The following CDC27 variants were observed in gnomAD, a reference collection of about 807,000 sequenced individuals.
The protein encoded by CDC27 is cell division cycle protein 27 homolog.
In CDC27, 27 loss-of-function variants were observed where a neutral mutation model predicts 109.7. The ratio of observed to expected loss-of-function variants is 0.25; its 90% confidence interval spans 0.18 to 0.34. CDC27 has a LOEUF of 0.34. CDC27 is among the 10% of genes least tolerant of loss of function. CDC27 has a pLI of 1.00. For missense variants in CDC27, 579 were observed against 960.2 expected (o/e 0.60, Z 5.25); for synonymous variants, 266 against 333.9 (o/e 0.80, Z 2.22).
At chr17:47,160,813 T>C (rs779830267) in intron 4 of CDC27, among the ~76,000 whole-genome samples, 147 of 152,304 alleles carry the variant, frequency 9.7e-4, no homozygotes, top group Admixed American at 1.9e-3. Context: ...ATGAAGAAGG[T>C]ACCCTTGGGG....
chr17:47,132,969 T>A (rs2062399629), intron 14 of CDC27, among the ~76,000 whole-genome samples: 1 of 123,406 alleles, frequency 8.1e-6, no homozygotes, highest in Non-Finnish European at 1.7e-5. Context: ...AGATGGGGTT[T>A]TGCCATGTTG....
intron 17 of CDC27, among the ~76,000 whole-genome samples, chr17:47,123,402 CTTTTTTTTT>C (rs57868315): frequency 1.6e-5 from 2 of 123,004 alleles, no homozygotes; most frequent in South Asian, 2.5e-4. Context: ...TTTTTTTCTA[CTTTTTTTTT>C]TTTTTTTTTT....
chr17:47,136,121 G>A (rs2062579371), intron 14 of CDC27, among the ~76,000 whole-genome samples: 1 of 152,014 alleles, frequency 6.6e-6, no homozygotes, highest in South Asian at 2.1e-4. Flanking sequence ...CAACCTGGGT[G>A]ACAGAGCGAG....
chr17:47,188,326 C>G (rs1279741615), intron 1 of CDC27, among the ~76,000 whole-genome samples: 3 of 152,028 alleles, frequency 2.0e-5, no homozygotes, highest in Non-Finnish European at 2.9e-5. Flanking sequence ...GACTTGGCAC[C>G]GCATCACACA....
chr17:47,147,547 T>TAA (rs1209339422), intron 9 of CDC27, among the ~76,000 whole-genome samples: 1 of 150,218 alleles, frequency 6.7e-6, no homozygotes, highest in Non-Finnish European at 1.5e-5. Flanking sequence ...GCAAAAACAT[T>TAA]AAAAAAATAC....
intron 11 of CDC27, 81 bp from the exon 12 acceptor site, chr17:47,142,106 A>G (rs1331944984): frequency 2.5e-6 from 3 of 1,209,240 alleles, no homozygotes; most frequent in African/African-American, 1.5e-5. Context: ...TTACAAACTA[A>G]TCTATTAAAA....
chr17:47,188,721 A>G, intron 1 of CDC27: 1 of 1,007,214 alleles, frequency 9.9e-7, no homozygotes, highest in Non-Finnish European at 1.2e-6. Context: ...ACAAAATAAA[A>G]AAAACCTCCG....
At position 47,143,984 on chromosome 17, in the gene CDC27, T is replaced by A; in HGVS notation, c.1071-2A>T. 1 of 1,319,584 alleles carries A rather than the reference T, an allele frequency of 7.6e-7. No homozygotes were observed. Among genetic ancestry groups the A allele is most frequent in the East Asian group, 2.8e-5 (1 of 36,244 alleles). The allele number at this position is 1,319,584 out of a possible 1,614,324, so 81.7% of individuals were successfully genotyped here. ...GGGCTCAATACCTGAGGTGTTGTAC[T>A]AAAAAAAAATTATAAAGGAAGACAT... On this transcript the variant is annotated splice_acceptor_variant, in intron 9 of 18. Coordinates refer to ENST00000066544, the MANE Select transcript of CDC27 (RefSeq NM_001256.6). LOFTEE classifies it high-confidence loss of function.
chr17:47,133,100 A>AACACAC (rs2062434702), intron 14 of CDC27, among the ~76,000 whole-genome samples: 1 of 15,026 alleles, frequency 6.7e-5, no homozygotes, highest in African/African-American at 3.2e-4. Flanking sequence ...CACACACACA[A>AACACAC]ATATACATAT....
chr17:47,179,059 C>T (rs925252008), intron 2 of CDC27, among the ~76,000 whole-genome samples: 1 of 152,174 alleles, frequency 6.6e-6, no homozygotes, highest in African/African-American at 2.4e-5. Flanking sequence ...ACCTCAGCCT[C>T]CCAGATTCTC....
At chr17:47,150,039 T>A (rs1474614970) in intron 9 of CDC27, among the ~76,000 whole-genome samples, 3 of 152,124 alleles carry the variant, frequency 2.0e-5, no homozygotes, top group African/African-American at 7.2e-5. Flanking sequence ...TAATGCACTG[T>A]GGGGTTTATA....
chr17:47,177,487 G>GA (rs1199536363), intron 2 of CDC27, among the ~76,000 whole-genome samples: 1 of 152,176 alleles, frequency 6.6e-6, no homozygotes, highest in African/African-American at 2.4e-5. Context: ...TGATGCAGGA[G>GA]AATTGCCTGA....
chr17:47,133,170 C>T (rs1432903732), intron 14 of CDC27, among the ~76,000 whole-genome samples: 1 of 134,594 alleles, frequency 7.4e-6, no homozygotes, highest in South Asian at 2.4e-4. Context: ...CAGAGTTTTG[C>T]TCTTGTTGCC....
intron 3 of CDC27, among the ~76,000 whole-genome samples, chr17:47,170,691 A>G (rs2063787652): frequency 6.6e-6 from 1 of 152,212 alleles, no homozygotes; most frequent in Non-Finnish European, 1.5e-5. Flanking sequence ...GATGATTACT[A>G]TACTGGGGGA....
chr17:47,164,958 T>G (rs1292936393), intron 4 of CDC27, among the ~76,000 whole-genome samples: 2 of 152,170 alleles, frequency 1.3e-5, no homozygotes, highest in Non-Finnish European at 2.9e-5. Flanking sequence ...ATAAAACTGT[T>G]TTAATATCCC....
intron 1 of CDC27, among the ~76,000 whole-genome samples, chr17:47,184,558 A>G (rs994164071): frequency 1.1e-4 from 17 of 152,092 alleles, no homozygotes; most frequent in African/African-American, 3.1e-4. Flanking sequence ...GGGCGGGGGG[A>G]AAAAAGAAGG....
chr17:47,146,266 G>A (rs1346591641), intron 9 of CDC27, among the ~76,000 whole-genome samples: 1 of 152,204 alleles, frequency 6.6e-6, no homozygotes, highest in Non-Finnish European at 1.5e-5. Flanking sequence ...CTGAATGTAA[G>A]AGGGTAGTAG....
chr17:47,131,795 A>G (rs1190967903), intron 15 of CDC27, among the ~76,000 whole-genome samples: 1 of 135,846 alleles, frequency 7.4e-6, no homozygotes, highest in Non-Finnish European at 1.6e-5. Flanking sequence ...CAGCCTCCCA[A>G]GTAGCCAGGA....
rs775088499 is a variant in CDC27, at chr17:47,151,904, G to A, written c.972C>T (p.Ile324=). The A allele has an allele frequency of 1.2e-5, 19 of 1,604,898 alleles. No homozygotes were observed. In the African/African-American group the frequency reaches 1.3e-4, roughly 11 times the overall value. The change falls in exon 9 of 19, where the codon ATC becomes ATT. Residue 324 remains isoleucine, a synonymous_variant. Transcript: ENST00000066544. ...GAPSKKSVAR[I]GQTGTKSVFS... is the part of the protein sequence containing the mutation. The stretch of plus-strand genomic sequence containing the variant: ...AGACAGACTTTGTTCCAGTTTGGCC[G>A]ATTCTGGCAACAGACTGTAAAACAC...
Sources: gnomAD v4.1 joint callset for allele counts (sites outside exome capture counted in the v4.1 genomes callset) on GRCh38, gnomAD v4.1.1 for gene constraint, MANE v1.5 for transcripts, NCBI Gene and HGNC (gene_info 2026-07-23, HGNC 2026-07-21) for gene names.